The following MTMR7 variants were observed in gnomAD, a reference collection of about 807,000 sequenced individuals.
MTMR7 encodes the protein myotubularin related protein 7.
Under a neutral mutation model 81.2 loss-of-function variants are expected in MTMR7, and 76 were observed. The ratio of observed to expected loss-of-function variants is 0.94; its 90% CI spans 0.78 to 1.13. MTMR7 has a LOEUF of 1.13. Among genes scored for constraint, MTMR7 ranks in the 50% most tolerant of loss-of-function variants. The pLI, the probability that MTMR7 is intolerant of heterozygous loss-of-function variation, is 0.00. For missense variants in MTMR7, 1,044 were observed against 820.0 expected (o/e 1.27, Z -3.34); for synonymous variants, 372 against 289.8 (o/e 1.28, Z -2.88).
intron 4 of MTMR7, among the ~76,000 whole-genome samples, chr8:17,356,383 C>A (rs1158034705): frequency 6.6e-6 from 1 of 152,064 alleles, no homozygotes; most frequent in Non-Finnish European, 1.5e-5. Flanking sequence ...CTAATATTTA[C>A]TATTATGAAA....
intron 1 of MTMR7, among the ~76,000 whole-genome samples, chr8:17,379,765 G>A (rs752323262): frequency 6.6e-6 from 1 of 152,138 alleles, no homozygotes. Context: ...CTCATGTTAA[G>A]TGTTTTTGGG....
intron 1 of MTMR7, among the ~76,000 whole-genome samples, chr8:17,403,162 T>C (rs1441555727): frequency 6.6e-6 from 1 of 152,232 alleles, no homozygotes; most frequent in Non-Finnish European, 1.5e-5. Flanking sequence ...CCTTGTCAGA[T>C]GGATAGTTTA....
intron 5 of MTMR7, among the ~76,000 whole-genome samples, chr8:17,343,624 T>C (rs952613170): frequency 3.9e-5 from 6 of 152,246 alleles, no homozygotes; most frequent in Admixed American, 1.3e-4. Flanking sequence ...AATTATCTTC[T>C]GGTTTAGAAC....
intron 4 of MTMR7, among the ~76,000 whole-genome samples, chr8:17,354,407 A>G (rs767757636): frequency 1.3e-5 from 2 of 152,204 alleles, no homozygotes; most frequent in South Asian, 4.1e-4. Context: ...ATGAATACAA[A>G]TTACTTTATT....
Position 17,309,290 on chromosome 8 carries a change from T to A in MTMR7, c.1138A>T (p.Lys380Ter). Residue 380 changes from lysine (K) to a stop codon, truncating the protein, a stop_gained, in exon 10 of 14, where the codon AAG becomes TAG. Coordinates refer to ENST00000180173, the MANE Select transcript of MTMR7 (RefSeq NM_004686.5). LOFTEE classifies it high-confidence loss of function. ...IEKDWISFGH[K>*]FNHRYGNLDG... ...AATATTACTTACCGGTGATTAAACT[T>A]ATGACCAAAGGAAATCCAGTCCTTT... 6.4e-7 allele frequency: 1 copy of A among 1,553,008 alleles called. No homozygotes were observed. The highest frequency in any genetic ancestry group is 8.9e-7 in the Non-Finnish European group (1 of 1,124,888).
intron 3 of MTMR7, among the ~76,000 whole-genome samples, chr8:17,362,317 T>C (rs1211950259): frequency 6.6e-6 from 1 of 152,240 alleles, no homozygotes; most frequent in African/African-American, 2.4e-5. Context: ...TACCTCAGTT[T>C]GCAGTAGCGC....
chr8:17,404,134 G>A (rs1396065635), intron 1 of MTMR7, among the ~76,000 whole-genome samples: 1 of 152,140 alleles, frequency 6.6e-6, no homozygotes, highest in Non-Finnish European at 1.5e-5. Flanking sequence ...ATAAACTGGT[G>A]GGGGAGTGGC....
Position 17,349,903 on chromosome 8 carries a change from A to G in MTMR7, c.469-822T>C, listed in dbSNP as rs116089993. Among the ~76,000 whole-genome samples the G allele has an allele frequency of 3.9e-3, 594 of 152,252 alleles. 6 individuals carry two copies. Among genetic ancestry groups the G allele is most frequent in the African/African-American group, 0.014 (564 of 41,552 alleles). ...CTGAGCAACTTCATGACCCTGGGGA[A>G]GCCAAACTACACGGTGCACTGTGGT... On this transcript the variant is annotated intron_variant, in intron 4 of 13. Coordinates refer to ENST00000180173, the MANE Select transcript of MTMR7 (RefSeq NM_004686.5).
In MTMR7 at chr8:17,304,460, A is replaced by C. The variant is rs749384587; in HGVS notation, c.1412T>G (p.Leu471Arg). The C allele has an allele frequency of 1.6e-5, 26 of 1,613,974 alleles. No homozygotes were observed. Among genetic ancestry groups the C allele is most frequent in the Non-Finnish European group, 2.2e-5 (26 of 1,179,952 alleles). Reference sequence around the variant, plus strand: ...GTGATCAGCTCTAAACAGAGGATTCAGGTAGTCGGCCCGATTCTTCCACAG... The same window carrying C: ...GTGATCAGCTCTAAACAGAGGATTCCGGTAGTCGGCCCGATTCTTCCACAG... ...AHLWKNRADY[L>R]NPLFRADHSQ... The change falls in exon 12 of 14, where the codon CTG (leucine) becomes CGG (arginine). Residue 471 changes from leucine to arginine, a missense_variant. By Grantham distance (102) the Leu-to-Arg change is moderately radical (BLOSUM62 -2). Coordinates refer to ENST00000180173, the MANE Select transcript of MTMR7 (RefSeq NM_004686.5).
rs867495687 is a variant in MTMR7 at position 17,343,119 on chromosome 8, T to G, written c.598-1622A>C. 2.3e-4 allele frequency among the ~76,000 whole-genome samples: 35 copies of G among 152,128 alleles called. 1 individual carries two copies. The highest frequency in any genetic ancestry group is 8.0e-4 in the African/African-American group (33 of 41,430). ...TTCTGAGTTGGCTTTAGATGATACT[T>G]TATCCGGGTTAAAGAAATATTAGTT... is the stretch of plus-strand genomic sequence containing the variant. On this transcript the variant is annotated intron_variant, in intron 5 of 13. Transcript: ENST00000180173.
At chr8:17,357,000 A>G (rs1819913032) in intron 4 of MTMR7, among the ~76,000 whole-genome samples, 1 of 152,210 alleles carries the variant, frequency 6.6e-6, no homozygotes, top group Admixed American at 6.5e-5. Context: ...GAAACACAAT[A>G]TACTACAAGA....
chr8:17,321,424 C>T (rs571525646), intron 7 of MTMR7, among the ~76,000 whole-genome samples: 6 of 152,304 alleles, frequency 3.9e-5, no homozygotes, highest in South Asian at 2.1e-4. Context: ...ATTAACATTG[C>T]GTGTGCTAAG....
At chr8:17,349,908 A>C (rs901617720) in intron 4 of MTMR7, among the ~76,000 whole-genome samples, 1 of 152,140 alleles carries the variant, frequency 6.6e-6, no homozygotes, top group Non-Finnish European at 1.5e-5. Flanking sequence ...GGGGAAGCCA[A>C]ACTACACGGT....
chr8:17,397,796 G>A (rs1445517513), intron 1 of MTMR7, among the ~76,000 whole-genome samples: 1 of 152,162 alleles, frequency 6.6e-6, no homozygotes, highest in Non-Finnish European at 1.5e-5. Context: ...CTTCAAGTCT[G>A]ACCCAGTGTA....
chr8:17,304,455 G>A lies in MTMR7; in HGVS notation c.1417C>T (p.Pro473Ser), dbSNP rs1353521898. The change falls in exon 12 of 14, where the codon CCT becomes TCT. Residue 473 changes from proline (P) to serine (S), a missense_variant. Physicochemically the swap from Pro to Ser is moderately conservative, Grantham distance 74 (BLOSUM62 -1). Transcript: ENST00000180173. ...TGGCTGTGATCAGCTCTAAACAGAG[G>A]ATTCAGGTAGTCGGCCCGATTCTTC... ...LWKNRADYLN[P>S]LFRADHSQTQ... 6.2e-7 allele frequency: 1 copy of A among 1,614,068 alleles called. No individual in the cohort carries two copies. Among genetic ancestry groups the A allele is most frequent in the Non-Finnish European group, 8.5e-7 (1 of 1,179,964 alleles).
intron 7 of MTMR7, among the ~76,000 whole-genome samples, chr8:17,316,834 T>C (rs12680752): frequency 0.16 from 24,309 of 151,932 alleles, 2,241 homozygotes; most frequent in East Asian, 0.29. Context: ...AAGGGACTTC[T>C]GCGTGTGTGG....
In MTMR7 at chr8:17,340,518, G is replaced by A. The variant is rs536777739; in HGVS notation, c.732+845C>T. On this transcript the variant is annotated intron_variant, in intron 6 of 13. Coordinates refer to ENST00000180173, the MANE Select transcript of MTMR7 (RefSeq NM_004686.5). ...GTGACTTTGTGTCCATCCCTCTGGG[G>A]ACTTCACTTGTTGAAGTTTTAGAAG... is the stretch of plus-strand genomic sequence containing the variant. Among the ~76,000 whole-genome samples the A allele has an allele frequency of 3.9e-4, 59 of 152,278 alleles. No homozygotes were observed. The South Asian group carries it at 5.6e-3, about 14-fold the overall frequency.
intron 7 of MTMR7, among the ~76,000 whole-genome samples, chr8:17,326,783 T>G (rs971034695): frequency 1.3e-5 from 2 of 152,208 alleles, no homozygotes; most frequent in East Asian, 1.9e-4. Context: ...AGCTGCCACT[T>G]TGACTGCAGC....
chr8:17,397,336 G>A (rs192019752), intron 1 of MTMR7, among the ~76,000 whole-genome samples: 1 of 152,116 alleles, frequency 6.6e-6, no homozygotes, highest in African/African-American at 2.4e-5. Context: ...CTAGAGGGGA[G>A]CTCAATGCCC....
Sources: allele counts gnomAD v4.1 joint callset (sites outside exome capture counted in the v4.1 genomes callset), GRCh38; gene constraint gnomAD v4.1.1; transcripts MANE v1.5; gene names NCBI Gene and HGNC (gene_info 2026-07-23, HGNC 2026-07-21).